CMPK2: variants seen among roughly 807,000 people sequenced by gnomAD.
CMPK2 encodes UMP-CMP kinase 2, mitochondrial.
CMPK2 carries 32 observed loss-of-function variants against 33.4 expected under a neutral mutation model. The ratio of observed to expected loss-of-function variants is 0.96; its 90% confidence interval spans 0.72 to 1.29. The LOEUF is 1.29. Ranked by LOEUF, CMPK2 falls within the 50% of genes most tolerant of loss-of-function variation. The pLI, the probability that CMPK2 is intolerant of heterozygous loss-of-function variation, is 0.00. For missense variants in CMPK2, 672 were observed against 616.0 expected, an observed-to-expected ratio of 1.09 and a Z score of -0.96; for synonymous variants, 299 against 275.3, an observed-to-expected ratio of 1.09 and a Z score of -0.85.
In CMPK2 at chr2:6,849,279, C is replaced by G. The variant is rs1662441362; in HGVS notation, c.*571G>C. 11 of 985,248 alleles carry G rather than the reference C, an allele frequency of 1.1e-5. No homozygotes were observed. In the South Asian group the frequency reaches 5.2e-4, roughly 46 times the overall value. The allele number at this position is 985,248 out of a possible 1,614,324, so 61.0% of individuals were successfully genotyped here. ...TGCCTTCTTTGTAAGTGTTCCTTAC[C>G]CAAAAATGGCTCTGCAGGAGTGTCC... On this transcript the variant is annotated 3_prime_UTR_variant, in exon 5 of 5. Coordinates refer to ENST00000256722, the MANE Select transcript of CMPK2 (RefSeq NM_207315.4).
intron 1 of CMPK2, chr2:6,864,559 T>TA (rs958657351): frequency 6.5e-6 from 1 of 153,750 alleles, no homozygotes; most frequent in Admixed American, 6.5e-5. Context: ...GGGCAAAACT[T>TA]AGAGTAGTTG....
chr2:6,864,414 A>C (rs749468326), intron 1 of CMPK2: 2 of 152,248 alleles, frequency 1.3e-5, no homozygotes, highest in Non-Finnish European at 2.9e-5. Flanking sequence ...CTCAGGGCTC[A>C]TCTGTGTCAC....
rs1433115144 is a variant in CMPK2, at chr2:6,851,614, T to G, written c.1062A>C (p.Pro354=). ...EVSGGLQHLP[P]AHHPVYQWPE... ...GCCACTGGTACACAGGGTGATGGGC[T>G]GGGGGCAGGTGCTGGAGACCCCCAC... Residue 354 remains proline, a synonymous_variant, in exon 4 of 5, where the codon CCA becomes CCC. Coordinates refer to ENST00000256722, the MANE Select transcript of CMPK2 (RefSeq NM_207315.4). 5 of 1,614,094 alleles carry G rather than the reference T, an allele frequency of 3.1e-6. No individual in the cohort carries two copies. Among genetic ancestry groups the G allele is most frequent in the East Asian group, 2.2e-5 (1 of 44,870 alleles).
chr2:6,866,212 C>G (rs1255525523), upstream of CMPK2, among the ~76,000 whole-genome samples: 2 of 152,224 alleles, frequency 1.3e-5, no homozygotes, highest in African/African-American at 4.8e-5. Flanking sequence ...TGCAGGCGCA[C>G]TACTGCCCTT....
chr2:6,865,960 G>T, upstream of CMPK2: 1 of 1,180,718 alleles, frequency 8.5e-7, no homozygotes, highest in Non-Finnish European at 1.1e-6. Flanking sequence ...GGGGCCCCAG[G>T]TGCGCGGCTC....
chr2:6,865,965 C>G (rs1242816097), upstream of CMPK2: 5 of 1,113,258 alleles, frequency 4.5e-6, no homozygotes, highest in East Asian at 2.2e-4. Context: ...CCCAGGTGCG[C>G]GGCTCCGCGG....
chr2:6,863,675 G>A, intron 1 of CMPK2, 97 bp from the exon 2 acceptor site: 1 of 817,738 alleles, frequency 1.2e-6, no homozygotes, highest in Non-Finnish European at 2.0e-6. Flanking sequence ...ATGCTAATAA[G>A]GCCTAAGTTA....
chr2:6,847,638 T>C (rs1222726873), downstream of CMPK2, among the ~76,000 whole-genome samples: 1 of 152,180 alleles, frequency 6.6e-6, no homozygotes, highest in African/African-American at 2.4e-5. Flanking sequence ...CCCTTGCTAT[T>C]TACCTAAGGC....
downstream of CMPK2, among the ~76,000 whole-genome samples, chr2:6,845,861 G>A (rs1158407140): frequency 6.6e-6 from 1 of 152,202 alleles, no homozygotes; most frequent in Non-Finnish European, 1.5e-5. Context: ...TGCCTCAAAT[G>A]AGCATAAGAA....
In CMPK2 at chr2:6,863,708, TG is replaced by T. The variant is rs1286234826; in HGVS notation, c.676-131del. On this transcript the variant is annotated intron_variant, in intron 1 of 4. Transcript: ENST00000256722. ...TTATACTGAGCACTGTGCCAGGCCA[TG>T]GGAATTCAGAGTATTTCGATGCTAG... 24 of 626,554 alleles carry T rather than the reference TG, an allele frequency of 3.8e-5. No homozygotes were observed. In the East Asian group the frequency reaches 5.9e-4, roughly 15 times the overall value. The allele number at this position is 626,554 out of a possible 1,614,324, so 38.8% of individuals were successfully genotyped here.
intron 1 of CMPK2, among the ~76,000 whole-genome samples, chr2:6,863,900 C>A (rs990393678): frequency 6.6e-6 from 1 of 152,218 alleles, no homozygotes; most frequent in South Asian, 2.1e-4. Context: ...GAACTACAGG[C>A]CCGCTGGGAA....
intron 3 of CMPK2, among the ~76,000 whole-genome samples, chr2:6,857,330 GA>G (rs1384667855): frequency 7.0e-6 from 1 of 143,142 alleles, no homozygotes; most frequent in Non-Finnish European, 1.5e-5. Flanking sequence ...TTGTTTTTGG[GA>G]TTTTTTTTTT....
rs746817328 is a variant in CMPK2, at chr2:6,865,050, C to G, written c.647G>C (p.Arg216Pro). Residue 216 changes from arginine (R) to proline (P), a missense_variant, in exon 1 of 5, where the codon CGG becomes CCG. Arg to Pro is a moderately radical substitution (Grantham distance 103, BLOSUM62 -2). Coordinates refer to ENST00000256722, the MANE Select transcript of CMPK2 (RefSeq NM_207315.4). ...CTCCAAAACGGCCCGGGCGGCTTCC[C>G]GGTCCGGGAAGACCACGGAACTGGG... Reference protein sequence around the residue: ...DLPSSVVFPDREAARAVLEEC... With the variant: ...DLPSSVVFPDPEAARAVLEEC... 2.8e-6 allele frequency: 4 copies of G among 1,433,978 alleles called. No homozygotes were observed. Among genetic ancestry groups the G allele is most frequent in the Non-Finnish European group, 3.7e-6 (4 of 1,092,814 alleles). 88.8% of individuals were successfully genotyped at this position (1,433,978 alleles called of 1,614,324 possible). A position where few individuals can be genotyped will look rare whatever the true frequency, so the allele number is the denominator to read the frequency against.
At chr2:6,854,181 A>T (rs1345119529) in intron 3 of CMPK2, among the ~76,000 whole-genome samples, 1 of 152,192 alleles carries the variant, frequency 6.6e-6, no homozygotes, top group African/African-American at 2.4e-5. Flanking sequence ...TATAATTTAC[A>T]CCATGGTCAG....
intron 3 of CMPK2, chr2:6,840,823 C>A: frequency 8.2e-6 from 5 of 607,932 alleles, no homozygotes; most frequent in Non-Finnish European, 1.5e-5. Flanking sequence ...ACATGTTTAA[C>A]CAATTCAGAA....
intron 1 of CMPK2, chr2:6,864,384 C>T (rs1395730105): frequency 6.6e-6 from 1 of 152,152 alleles, no homozygotes; most frequent in Admixed American, 6.5e-5. Context: ...GAAAATATTC[C>T]CAAGATCCAT....
chr2:6,842,097 C>G (rs1318477003), intron 3 of CMPK2, among the ~76,000 whole-genome samples: 1 of 152,188 alleles, frequency 6.6e-6, no homozygotes, highest in East Asian at 1.9e-4. Context: ...ATACCCTGCC[C>G]TACAGGTTCC....
chr2:6,851,692 G>C lies in CMPK2; in HGVS notation c.993-9C>G. The C allele has an allele frequency of 6.8e-6, 11 of 1,612,898 alleles. No homozygotes were observed. The highest frequency in any genetic ancestry group is 9.3e-6 in the Non-Finnish European group (11 of 1,179,086). On this transcript the variant is annotated splice_polypyrimidine_tract_variant and intron_variant, in intron 3 of 4. Transcript: ENST00000256722. ...CCGTGCTGTGCCAGTACCTGAGAAG[G>C]AATGGGGTAGTGAGTTCTCTGTCTG...
At chr2:6,856,013 C>T (rs750312676) in intron 3 of CMPK2, among the ~76,000 whole-genome samples, 23 of 152,166 alleles carry the variant, frequency 1.5e-4, no homozygotes, top group Non-Finnish European at 3.4e-4. Context: ...ATACTAATGT[C>T]AACAGGGCTG....
Sources: allele counts gnomAD v4.1 joint callset (sites outside exome capture counted in the v4.1 genomes callset), GRCh38; gene constraint gnomAD v4.1.1; transcripts MANE v1.5; gene names NCBI Gene and HGNC (gene_info 2026-07-23, HGNC 2026-07-21).